ADAM28: variants seen among roughly 807,000 people sequenced by gnomAD.
ADAM28 encodes the protein ADAM metallopeptidase domain 28.
In ADAM28, 105 loss-of-function variants were observed where a neutral mutation model predicts 101.2. The observed-to-expected ratio is 1.04, with a 90% CI of 0.89 to 1.22. The LOEUF (loss-of-function observed/expected upper bound fraction) is 1.22, where lower values mean the gene tolerates loss of function less well. ADAM28 is among the 50% of genes most tolerant of loss of function. The pLI is 0.00. For synonymous variants in ADAM28, 322 were observed against 310.6 expected, an observed-to-expected ratio of 1.04 and a Z score of -0.39; for missense variants, 1,028 against 945.4, an observed-to-expected ratio of 1.09 and a Z score of -1.15.
intron 4 of ADAM28, chr8:24,310,442 G>T (rs1408827165): frequency 2.0e-6 from 1 of 488,478 alleles, no homozygotes; most frequent in Non-Finnish European, 3.5e-6. Flanking sequence ...GGCAACTCCG[G>T]TAAGTTTTTC....
intron 2 of ADAM28, among the ~76,000 whole-genome samples, chr8:24,308,954 T>C (rs891410856): frequency 6.6e-6 from 1 of 152,172 alleles, no homozygotes; most frequent in Non-Finnish European, 1.5e-5. Context: ...GTCCATAATA[T>C]GTGTTTCTCA....
At chr8:24,333,476 T>C (rs1813633147) in intron 13 of ADAM28, among the ~76,000 whole-genome samples, 1 of 152,210 alleles carries the variant, frequency 6.6e-6, no homozygotes, top group South Asian at 2.1e-4. Context: ...ACTGTATATA[T>C]GCATATTAAA....
intron 18 of ADAM28, among the ~76,000 whole-genome samples, chr8:24,347,490 A>AT (rs1030215264): frequency 3.6e-4 from 54 of 152,048 alleles, no homozygotes; most frequent in Admixed American, 3.1e-3. Context: ...TTGGACTGTG[A>AT]TTTTTTCATA....
chr8:24,353,445 A>AATTTCAC (rs1816406433), intron 21 of ADAM28, among the ~76,000 whole-genome samples: 1 of 152,132 alleles, frequency 6.6e-6, no homozygotes, highest in Non-Finnish European at 1.5e-5. Context: ...TCTTTCAAGA[A>AATTTCAC]ATTTCACATT....
chr8:24,312,341 C>T (rs1261877017), intron 5 of ADAM28, among the ~76,000 whole-genome samples: 2 of 151,908 alleles, frequency 1.3e-5, no homozygotes, highest in Admixed American at 6.6e-5. Context: ...TAATCACTTG[C>T]CCAATTCAGA....
chr8:24,319,103 A>T (rs551454356), intron 6 of ADAM28, among the ~76,000 whole-genome samples: 20 of 152,082 alleles, frequency 1.3e-4, no homozygotes, highest in African/African-American at 4.6e-4. Flanking sequence ...TGTTATAAAA[A>T]CACAAGCACT....
In ADAM28 at chr8:24,323,846, C is replaced by T. The variant is rs565484756; in HGVS notation, c.733C>T (p.Leu245Phe). The T allele has an allele frequency of 4.9e-5, 79 of 1,610,436 alleles. 1 individual carries two copies. The South Asian group carries it at 7.4e-4, about 15-fold the overall frequency. ...ANYVNMLYKK[L>F]NTHVALVGME... Reference sequence around the variant, plus strand: ...TTTCTTTGGACAGCTTTATAAAAAGCTCAATACTCATGTGGCCTTAGTTGG... The same window carrying T: ...TTTCTTTGGACAGCTTTATAAAAAGTTCAATACTCATGTGGCCTTAGTTGG... Residue 245 changes from leucine (L) to phenylalanine (F), a missense_variant, in exon 9 of 23, where the codon CTC (leucine) becomes TTC (phenylalanine). Physicochemically the swap from Leu to Phe is conservative, Grantham distance 22. Coordinates refer to ENST00000265769, the MANE Select transcript of ADAM28 (RefSeq NM_014265.6).
rs1563297002 is a variant in ADAM28 at position 24,325,889 on chromosome 8, A to AAAAAAAAAAAAAAAAAAAC, written c.891-654_891-653insAAAAAAACAAAAAAAAAAA. On this transcript the variant is annotated intron_variant, in intron 9 of 22. Transcript: ENST00000265769. ...CAGATAGCAAAAAAAAAAAAAAAAA[A>AAAAAAAAAAAAAAAAAAAC]AAAAAAAAAAACCAAAAAACAAAAA... Among the ~76,000 whole-genome samples, 126 of 141,986 alleles carry AAAAAAAAAAAAAAAAAAAC rather than the reference A, an allele frequency of 8.9e-4. 2 individuals are homozygous for AAAAAAAAAAAAAAAAAAAC. The highest frequency in any genetic ancestry group is 3.3e-3 in the African/African-American group (120 of 36,028). The allele number at this position is 141,986 out of a possible 152,430, so 93.1% of individuals were successfully genotyped here.
rs1563270503 is a variant in ADAM28 at position 24,306,363 on chromosome 8, A to ATATATATATATATATATTTAAAAAAAT, written c.151-3531_151-3530insTATATATATATATATATTTAAAAAAAT. Among the ~76,000 whole-genome samples, 66 of 108,466 alleles carry ATATATATATATATATATTTAAAAAAAT rather than the reference A, an allele frequency of 6.1e-4. 2 individuals carry two copies. The highest frequency in any genetic ancestry group is 2.4e-3 in the African/African-American group (65 of 26,638). The allele number at this position is 108,466 out of a possible 152,430, so 71.2% of individuals were successfully genotyped here. On this transcript the variant is annotated intron_variant, in intron 2 of 22. Transcript: ENST00000265769. ...CATCTCAAATACAAATAAATAAATA[A>ATATATATATATATATATTTAAAAAAAT]ATATATATATATATATATATATTTA...
At chr8:24,349,005 C>T (rs1302834181) in intron 18 of ADAM28, among the ~76,000 whole-genome samples, 1 of 152,100 alleles carries the variant, frequency 6.6e-6, no homozygotes, top group East Asian at 1.9e-4. Flanking sequence ...TGGAGGGTGG[C>T]GAGTAGCGAA....
At chr8:24,341,425 T>C (rs1028941811) in intron 15 of ADAM28, 173 bp from the exon 16 acceptor site, 43 of 644,868 alleles carry the variant, frequency 6.7e-5, no homozygotes, top group Admixed American at 6.6e-4. Context: ...CAATAATATA[T>C]TGTGCTAACG....
At chr8:24,321,026 C>A (rs1811799842) in intron 7 of ADAM28, among the ~76,000 whole-genome samples, 192 bp from the exon 8 acceptor site, 1 of 151,846 alleles carries the variant, frequency 6.6e-6, no homozygotes, top group Non-Finnish European at 1.5e-5. Flanking sequence ...GAGAAAACAT[C>A]ATATTCACTC....
chr8:24,326,537 T>G lies in ADAM28; in HGVS notation c.891-17T>G, dbSNP rs768587100. The G allele has an allele frequency of 6.2e-7, 1 of 1,608,836 alleles. No individual in the cohort carries two copies. Among genetic ancestry groups the G allele is most frequent in the Non-Finnish European group, 8.5e-7 (1 of 1,176,320 alleles). On this transcript the variant is annotated splice_polypyrimidine_tract_variant and intron_variant, in intron 9 of 22. Coordinates refer to ENST00000265769, the MANE Select transcript of ADAM28 (RefSeq NM_014265.6). ...TAGCATTATAATTTGTTACATCAAT[T>G]TATTCCTTTCTTGCAGAGCAACAGA...
rs144313275 is a variant in ADAM28 at position 24,301,435 on chromosome 8, A to G, written c.150+1358A>G. 2.6e-5 allele frequency among the ~76,000 whole-genome samples: 4 copies of G among 152,356 alleles called. No individual in the cohort carries two copies. In the East Asian group the frequency reaches 7.7e-4, roughly 29 times the overall value. Reference sequence around the variant, plus strand: ...CCCCCATGACATGCGATTTACCTGTATAACAAACTGGCACAGGTATCCCCT... The same window carrying G: ...CCCCCATGACATGCGATTTACCTGTGTAACAAACTGGCACAGGTATCCCCT... On this transcript the variant is annotated intron_variant, in intron 2 of 22. Transcript: ENST00000265769.
chr8:24,303,179 G>T (rs2129242336), intron 2 of ADAM28, among the ~76,000 whole-genome samples: 1 of 151,966 alleles, frequency 6.6e-6, no homozygotes. Context: ...TGCTTTTGTT[G>T]CAATTGCTTT....
intron 20 of ADAM28, 83 bp downstream of exon 20, chr8:24,351,393 A>G (rs1816117066): frequency 7.3e-7 from 1 of 1,371,040 alleles, no homozygotes; most frequent in Non-Finnish European, 1.0e-6. Context: ...CCTATCTATC[A>G]TTTCTACCCA....
At chr8:24,351,540 A>T (rs937984953) in intron 20 of ADAM28, 11 of 582,956 alleles carry the variant, frequency 1.9e-5, no homozygotes, top group Non-Finnish European at 3.1e-5. Context: ...GAATGCACAT[A>T]CCGGATGTCT....
At chr8:24,350,664 A>G (rs1416100380) in intron 19 of ADAM28, among the ~76,000 whole-genome samples, 2 of 152,168 alleles carry the variant, frequency 1.3e-5, no homozygotes, top group Non-Finnish European at 1.5e-5. Context: ...CAAGAACTTC[A>G]TAAAGTGGTC....
chr8:24,348,222 A>G (rs1815645716), intron 18 of ADAM28, among the ~76,000 whole-genome samples: 1 of 152,174 alleles, frequency 6.6e-6, no homozygotes. Flanking sequence ...CTTTTTTAAA[A>G]AAATAAACTT....
Sources: gnomAD v4.1 joint callset for allele counts (sites outside exome capture counted in the v4.1 genomes callset) on GRCh38, gnomAD v4.1.1 for gene constraint, MANE v1.5 for transcripts, NCBI Gene and HGNC (gene_info 2026-07-23, HGNC 2026-07-21) for gene names.